Variants in DOCK3 observed in about 807,000 individuals in gnomAD.
DOCK3 encodes the protein dedicator of cytokinesis protein 3.
A neutral mutation model predicts 265.6 loss-of-function variants in DOCK3; 60 were observed. That is an observed-to-expected ratio of 0.23 (90% CI 0.18 to 0.28). The LOEUF is 0.28. Among genes scored for constraint, DOCK3 ranks in the 10% least tolerant of loss-of-function variants. The probability of loss-of-function intolerance (pLI) is 1.00; values close to 1 mark genes in which losing one functional copy is unlikely to be tolerated. For synonymous variants in DOCK3, 881 were observed against 938.0 expected, an observed-to-expected ratio of 0.94 and a Z score of 1.11; for missense variants, 1,981 against 2,594.3, an observed-to-expected ratio of 0.76 and a Z score of 5.14.
intron 7 of DOCK3, among the ~76,000 whole-genome samples, chr3:51,086,895 G>A (rs1210831960): frequency 6.6e-6 from 1 of 152,118 alleles, no homozygotes; most frequent in Non-Finnish European, 1.5e-5. Context: ...TTAATTCCTG[G>A]ACACACACAA....
intron 3 of DOCK3, among the ~76,000 whole-genome samples, chr3:50,886,667 A>AT (rs921826358): frequency 6.7e-6 from 1 of 148,510 alleles, no homozygotes; most frequent in African/African-American, 2.5e-5. Flanking sequence ...GTGGTGTTTG[A>AT]TTTTTTGTCC....
intron 5 of DOCK3, among the ~76,000 whole-genome samples, chr3:51,015,998 TATATATCATATATTTCTACATA>T (rs2079186540): frequency 5.2e-5 from 1 of 19,090 alleles, no homozygotes; most frequent in African/African-American, 3.1e-4. Context: ...CTACATAATA[TATATATCATATATTTCTACATA>T]ATATATATCA....
At chr3:50,922,372 C>T (rs1262535621) in intron 4 of DOCK3, among the ~76,000 whole-genome samples, 1 of 152,236 alleles carries the variant, frequency 6.6e-6, no homozygotes, top group African/African-American at 2.4e-5. Context: ...GGGATATAAT[C>T]TCCTGGTGTG....
intron 9 of DOCK3, among the ~76,000 whole-genome samples, chr3:51,109,898 A>C (rs1353008087): frequency 6.6e-6 from 1 of 152,052 alleles, no homozygotes; most frequent in Non-Finnish European, 1.5e-5. Flanking sequence ...ATACCACTGC[A>C]CTCAAGCCTG....
chr3:50,963,504 A>G (rs55948678), intron 5 of DOCK3, among the ~76,000 whole-genome samples: 2 of 152,348 alleles, frequency 1.3e-5, no homozygotes, highest in Non-Finnish European at 2.9e-5. Context: ...TTTATCTGAG[A>G]ATATAAACTT....
chr3:51,112,899 T>C (rs778627037), intron 9 of DOCK3, among the ~76,000 whole-genome samples: 33 of 152,178 alleles, frequency 2.2e-4, no homozygotes, highest in Non-Finnish European at 4.3e-4. Flanking sequence ...AAGGACTCTG[T>C]TGGATTTTGG....
chr3:50,999,664 A>G (rs1473560102), intron 5 of DOCK3, among the ~76,000 whole-genome samples: 1 of 152,162 alleles, frequency 6.6e-6, no homozygotes, highest in African/African-American at 2.4e-5. Context: ...TTGGTGTTCA[A>G]TAGGAATCTC....
intron 9 of DOCK3, among the ~76,000 whole-genome samples, chr3:51,114,886 G>A (rs1362541416): frequency 6.6e-6 from 1 of 150,400 alleles, no homozygotes; most frequent in Non-Finnish European, 1.5e-5. Context: ...TCCCACTTAC[G>A]AGTGAGAACG....
At chr3:50,729,501 C>G (rs2038057858) in intron 1 of DOCK3, among the ~76,000 whole-genome samples, 1 of 151,968 alleles carries the variant, frequency 6.6e-6, no homozygotes, top group Admixed American at 6.6e-5. Flanking sequence ...AACTCGTCAT[C>G]TAGCATTAGG....
chr3:50,762,755 A>G (rs1163823126), intron 1 of DOCK3, among the ~76,000 whole-genome samples: 2 of 152,054 alleles, frequency 1.3e-5, no homozygotes, highest in Non-Finnish European at 2.9e-5. Context: ...GATTTTGTCA[A>G]ATGTTATTTC....
Position 51,225,690 on chromosome 3 carries a change from G to T in DOCK3, c.1294G>T (p.Asp432Tyr), listed in dbSNP as rs1406684912. The change falls in exon 15 of 53, where the codon GAT (aspartate) becomes TAT (tyrosine). Residue 432 changes from aspartate to tyrosine, a missense_variant. Asp to Tyr is a radical substitution (Grantham distance 160). Transcript: ENST00000266037. Reference sequence around the variant, plus strand: ...CCTGTACCTAACCCTGGAGAAGGGGGATTTCGAGAGAGGAGGAAAGAGTGT... The same window carrying T: ...CCTGTACCTAACCCTGGAGAAGGGGTATTTCGAGAGAGGAGGAAAGAGTGT... ...NDLYLTLEKG[D>Y]FERGGKSVQK... The T allele has an allele frequency of 6.2e-7, 1 of 1,613,784 alleles. No individual in the cohort carries two copies. Among genetic ancestry groups the T allele is most frequent in the Non-Finnish European group, 8.5e-7 (1 of 1,179,754 alleles).
chr3:50,845,247 G>A (rs75731547), intron 3 of DOCK3, among the ~76,000 whole-genome samples: 1 of 152,074 alleles, frequency 6.6e-6, no homozygotes, highest in South Asian at 2.1e-4. Context: ...GAGCATACAT[G>A]AAGAATTAAA....
chr3:51,031,650 A>G (rs529926850), intron 5 of DOCK3, among the ~76,000 whole-genome samples: 34 of 152,214 alleles, frequency 2.2e-4, no homozygotes, highest in Admixed American at 5.9e-4. Flanking sequence ...GCCTCATACT[A>G]GTTACCTTCC....
rs901264898 is a variant in DOCK3, at chr3:50,675,644, C to T, written c.37+344C>T. On this transcript the variant is annotated intron_variant, in intron 1 of 52. Transcript: ENST00000266037. The surrounding 1 kb of genome is among the most constrained non-coding windows in gnomAD (Gnocchi z 6.1). ...CAAATTCTGGGAATATGTTTTCTCC[C>T]CTCCAAAAGCTCGATTTTAATGAGT... Among the ~76,000 whole-genome samples the T allele has an allele frequency of 1.3e-5, 2 of 152,196 alleles. No individual in the cohort carries two copies. Among genetic ancestry groups the T allele is most frequent in the Non-Finnish European group, 2.9e-5 (2 of 68,018 alleles).
chr3:51,322,325 C>T (rs558281656), intron 32 of DOCK3, among the ~76,000 whole-genome samples: 3 of 152,226 alleles, frequency 2.0e-5, no homozygotes, highest in East Asian at 1.9e-4. Context: ...GCCTCAGCCT[C>T]CAGAGAAGCT....
chr3:50,947,965 C>T (rs938009024), intron 5 of DOCK3, among the ~76,000 whole-genome samples: 1 of 148,826 alleles, frequency 6.7e-6, no homozygotes, highest in Non-Finnish European at 1.5e-5. Context: ...ATGCCATTCT[C>T]CTGTCTCAGC....
chr3:51,057,099 A>G (rs1274554698), intron 5 of DOCK3, among the ~76,000 whole-genome samples: 4 of 152,254 alleles, frequency 2.6e-5, no homozygotes, highest in African/African-American at 9.6e-5. Context: ...TTACTGACTT[A>G]GAGGCATCAC....
intron 5 of DOCK3, among the ~76,000 whole-genome samples, chr3:51,009,724 A>G (rs757117616): frequency 7.2e-5 from 11 of 152,076 alleles, no homozygotes; most frequent in Non-Finnish European, 1.0e-4. Context: ...TGTCAATTTT[A>G]GATCTTTCCT....
chr3:50,879,257 G>A (rs1403879972), intron 3 of DOCK3, among the ~76,000 whole-genome samples: 2 of 152,126 alleles, frequency 1.3e-5, no homozygotes, highest in East Asian at 3.8e-4. Flanking sequence ...CATAATGACA[G>A]GATCAAATTC....
Sources: allele counts gnomAD v4.1 joint callset (sites outside exome capture counted in the v4.1 genomes callset), GRCh38; gene constraint gnomAD v4.1.1; non-coding constraint Gnocchi (gnomAD v3.1); transcripts MANE v1.5; gene names NCBI Gene and HGNC (gene_info 2026-07-23, HGNC 2026-07-21).